PLEKHA6: variants seen among roughly 807,000 people sequenced by gnomAD.
The protein encoded by PLEKHA6 is pleckstrin homology domain-containing family A member 6.
Under a neutral mutation model 116.7 loss-of-function variants are expected in PLEKHA6, and 60 were observed. That is an observed-to-expected ratio of 0.51 (90% CI 0.42 to 0.64). The LOEUF (loss-of-function observed/expected upper bound fraction) is 0.64, where lower values mean the gene tolerates loss of function less well. Among genes scored for constraint, PLEKHA6 ranks in the 30% least tolerant of loss-of-function variants. The pLI is 0.00. For missense variants in PLEKHA6, 1,338 were observed against 1,422.7 expected (o/e 0.94, Z 0.96); for synonymous variants, 489 against 556.1 (o/e 0.88, Z 1.70).
intron 1 of PLEKHA6, chr1:204,327,060 C>T (rs1672268206): frequency 2.3e-6 from 2 of 885,216 alleles, no homozygotes; most frequent in Non-Finnish European, 2.7e-6. Context: ...TCTCCATCCC[C>T]TCCTCCTCCT....
At chr1:204,258,076 C>A (rs1218038093) in intron 8 of PLEKHA6, among the ~76,000 whole-genome samples, 3 of 152,152 alleles carry the variant, frequency 2.0e-5, no homozygotes, top group Non-Finnish European at 4.4e-5. Context: ...CTGCACCATT[C>A]AGAGCTTCAA....
chr1:204,287,599 C>T (rs1426511190), intron 1 of PLEKHA6, among the ~76,000 whole-genome samples: 1 of 152,108 alleles, frequency 6.6e-6, no homozygotes, highest in Non-Finnish European at 1.5e-5. Flanking sequence ...TTCTGTCTTA[C>T]CCTACATCTC....
In PLEKHA6 at chr1:204,267,516, C is replaced by T; in HGVS notation, c.239G>A (p.Arg80His). ...ASSGVKQWNKRWFVLVDRCLF... is the reference protein window; with the variant it reads ...ASSGVKQWNKHWFVLVDRCLF... ...GCAGCGATCCACCAGGACGAACCAG[C>T]GCTTGTTCCACTGCTTAACCCCGGA... The change falls in exon 5 of 23, where the codon CGC (arginine) becomes CAC (histidine). Residue 80 changes from arginine to histidine, a missense_variant. Arg to His is a conservative substitution (Grantham distance 29). This residue lies in a region of PLEKHA6 where 140 missense variants were observed against 197.4 expected (regional missense o/e 0.71). Coordinates refer to ENST00000272203, the MANE Select transcript of PLEKHA6 (RefSeq NM_014935.5). 1.9e-6 allele frequency: 3 copies of T among 1,614,078 alleles called. No individual in the cohort carries two copies. The highest frequency in any genetic ancestry group is 1.7e-5 in the Admixed American group (1 of 60,026).
intron 1 of PLEKHA6, among the ~76,000 whole-genome samples, chr1:204,322,582 C>A (rs1672102272): frequency 6.6e-6 from 1 of 152,104 alleles, no homozygotes; most frequent in Non-Finnish European, 1.5e-5. Context: ...CTCAGGCAGT[C>A]CCAGGCCCCC....
intron 1 of PLEKHA6, among the ~76,000 whole-genome samples, chr1:204,305,342 C>T (rs1012849746): frequency 1.3e-5 from 2 of 152,136 alleles, no homozygotes; most frequent in Admixed American, 6.5e-5. Flanking sequence ...TACTGCGGCA[C>T]GCTGGATTAG....
At chr1:204,248,698 A>G (rs898071801) in intron 12 of PLEKHA6, 123 bp downstream of exon 12, 2 of 793,978 alleles carry the variant, frequency 2.5e-6, no homozygotes, top group Non-Finnish European at 4.1e-6. Flanking sequence ...GCCCCTCTGC[A>G]CGGGAGTACT....
At chr1:204,246,163 T>A (rs973426763) in intron 13 of PLEKHA6, among the ~76,000 whole-genome samples, 6 of 152,194 alleles carry the variant, frequency 3.9e-5, no homozygotes, top group African/African-American at 1.4e-4. Context: ...AGTCATGAAT[T>A]CAATTACAGT....
At chr1:204,369,700 C>T (rs1393911954) in intron 2 of PLEKHA6, 1 of 152,208 alleles carries the variant, frequency 6.6e-6, no homozygotes, top group Non-Finnish European at 1.5e-5. Context: ...CCCTTCCCAG[C>T]CTTAGACAAC....
chr1:204,271,991 T>C (rs1667505745), intron 3 of PLEKHA6, among the ~76,000 whole-genome samples: 1 of 152,244 alleles, frequency 6.6e-6, no homozygotes, highest in Non-Finnish European at 1.5e-5. Flanking sequence ...GTTGGTGTGC[T>C]GCACCCATTG....
chr1:204,316,768 C>A (rs1671874812), intron 1 of PLEKHA6, among the ~76,000 whole-genome samples: 1 of 152,224 alleles, frequency 6.6e-6, no homozygotes. Context: ...CCATTCCCCA[C>A]TAGGGAAATC....
At chr1:204,331,896 A>G (rs1319489559) in intron 1 of PLEKHA6, among the ~76,000 whole-genome samples, 1 of 150,756 alleles carries the variant, frequency 6.6e-6, no homozygotes, top group Non-Finnish European at 1.5e-5. Flanking sequence ...ATGCCCCGAG[A>G]GGCCCCAGTG....
chr1:204,373,965 C>T (rs1275826561), intron 1 of PLEKHA6, among the ~76,000 whole-genome samples: 2 of 152,106 alleles, frequency 1.3e-5, no homozygotes, highest in Non-Finnish European at 2.9e-5. Flanking sequence ...AGAAAGTCAG[C>T]CAGTGCCCTC....
chr1:204,353,521 C>T (rs78039277), intron 1 of PLEKHA6, among the ~76,000 whole-genome samples: 1 of 152,206 alleles, frequency 6.6e-6, no homozygotes, highest in East Asian at 1.9e-4. Flanking sequence ...AGAGAAGTGA[C>T]TGAGAAGGTC....
At chr1:204,344,694 T>C (rs994215739) in intron 1 of PLEKHA6, among the ~76,000 whole-genome samples, 7 of 152,062 alleles carry the variant, frequency 4.6e-5, no homozygotes, top group Non-Finnish European at 1.5e-5. Flanking sequence ...AAATTAATTA[T>C]ACTGCAGACC....
chr1:204,314,488 G>GA (rs1459588973), intron 1 of PLEKHA6, among the ~76,000 whole-genome samples: 3 of 152,320 alleles, frequency 2.0e-5, no homozygotes, highest in African/African-American at 7.2e-5. Flanking sequence ...GGAACGACAA[G>GA]ACTGATCCTA....
intron 3 of PLEKHA6, among the ~76,000 whole-genome samples, chr1:204,366,975 G>A (rs1412883949): frequency 6.6e-6 from 1 of 152,188 alleles, no homozygotes; most frequent in East Asian, 1.9e-4. Flanking sequence ...TGGTGCCATT[G>A]CCCCAGGAGG....
chr1:204,268,211 T>C lies in PLEKHA6; in HGVS notation c.204A>G (p.Lys68=), dbSNP rs747741063. 3.2e-5 allele frequency: 51 copies of C among 1,608,662 alleles called. No homozygotes were observed. Among genetic ancestry groups the C allele is most frequent in the Non-Finnish European group, 3.1e-5 (36 of 1,176,898 alleles). Residue 68 remains lysine, a synonymous_variant, in exon 4 of 23, where the codon AAA becomes AAG. Coordinates refer to ENST00000272203, the MANE Select transcript of PLEKHA6 (RefSeq NM_014935.5). ...APVTKAGWLF[K]QASSGVKQWN... ...CAGAACCGCAGGGTGGCCTCACCTGTTTGAAGAGCCAGCCCGCCTTGGTGA... is the reference window on the plus strand; with the variant it reads ...CAGAACCGCAGGGTGGCCTCACCTGCTTGAAGAGCCAGCCCGCCTTGGTGA...
At chr1:204,284,519 G>A (rs1156965699) in intron 1 of PLEKHA6, among the ~76,000 whole-genome samples, 3 of 152,146 alleles carry the variant, frequency 2.0e-5, no homozygotes, top group Non-Finnish European at 1.5e-5. Context: ...GCTGCCTGCT[G>A]GTGGGGGATC....
intron 1 of PLEKHA6, among the ~76,000 whole-genome samples, chr1:204,300,583 A>G (rs1670717878): frequency 6.6e-6 from 1 of 152,210 alleles, no homozygotes; most frequent in Non-Finnish European, 1.5e-5. Context: ...AAGCCAATAA[A>G]TGATCCCTAT....
Sources: gnomAD v4.1 joint callset for allele counts (sites outside exome capture counted in the v4.1 genomes callset) on GRCh38, gnomAD v4.1.1 for gene constraint, gnomAD v4.1.1 regional missense constraint, MANE v1.5 for transcripts, NCBI Gene and HGNC (gene_info 2026-07-23, HGNC 2026-07-21) for gene names.